FBXO41: variants seen among roughly 807,000 people sequenced by gnomAD.
FBXO41 encodes F-box protein 41.
A neutral mutation model predicts 81.6 loss-of-function variants in FBXO41; 33 were observed. The ratio of observed to expected loss-of-function variants is 0.40; its 90% CI spans 0.31 to 0.54. The LOEUF (loss-of-function observed/expected upper bound fraction) is 0.54. Ranked by LOEUF, FBXO41 falls within the 20% of genes least tolerant of loss-of-function variation. FBXO41 has a pLI of 0.39. For missense variants in FBXO41, 1,107 were observed against 1,236.0 expected (o/e 0.90, Z 1.56); for synonymous variants, 576 against 552.7 (o/e 1.04, Z -0.59).
In FBXO41 at chr2:73,265,397, C is replaced by A. The variant is rs779616735; in HGVS notation, c.1449G>T (p.Glu483Asp). Residue 483 changes from glutamate to aspartate, a missense_variant, in exon 5 of 13, where the codon GAG (glutamate) becomes GAT (aspartate). Glu to Asp is a conservative substitution (Grantham distance 45). Coordinates refer to ENST00000520530, the MANE Select transcript of FBXO41 (RefSeq NM_001371389.2). ...GGGAGCCAACGTCGGAGACATCACC[C>A]TCTTCCCCCTCAGTGCTGTGTCGGC... is the stretch of plus-strand genomic sequence containing the variant. The part of the protein sequence containing the change: ...RPRRHSTEGE[E>D]GDVSDVGSRT... 2 of 1,611,134 alleles carry A rather than the reference C, an allele frequency of 1.2e-6. No homozygotes were observed. The highest frequency in any genetic ancestry group is 1.1e-5 in the South Asian group (1 of 91,090).
chr2:73,261,418 C>G (rs1440934266), intron 9 of FBXO41, among the ~76,000 whole-genome samples: 10 of 152,194 alleles, frequency 6.6e-5, no homozygotes. Flanking sequence ...TAGCACTAGT[C>G]TCCCTGCATC....
chr2:73,269,702 G>A lies in FBXO41; in HGVS notation c.-72C>T. On this transcript the variant is annotated 5_prime_UTR_variant, in exon 2 of 13. Transcript: ENST00000520530. The surrounding 1 kb of genome is among the most constrained non-coding windows in gnomAD (Gnocchi z 7.0). ...CCGGTCAGCCGGGCGCGCTCATGGG[G>A]GACCGCGGGCGAGGCCCCCTGCGGG... 1.9e-6 allele frequency: 2 copies of A among 1,080,250 alleles called. No individual in the cohort carries two copies. The highest frequency in any genetic ancestry group is 2.3e-6 in the Non-Finnish European group (2 of 883,946). The allele number at this position is 1,080,250 out of a possible 1,614,324, so 66.9% of individuals were successfully genotyped here.
Position 73,260,668 on chromosome 2 carries a change from G to A in FBXO41, c.2290+72C>T. 1.3e-6 allele frequency: 2 copies of A among 1,518,014 alleles called. No individual in the cohort carries two copies. Among genetic ancestry groups the A allele is most frequent in the Non-Finnish European group, 1.8e-6 (2 of 1,124,884 alleles). 94.0% of individuals were successfully genotyped at this position (1,518,014 alleles called of 1,614,324 possible). ...AGGCTGCAGCCCCAAGCCCCTGTGG[G>A]ATTTCACAAGGCAGCACTGCACCCA... On this transcript the variant is annotated intron_variant, in intron 10 of 12. Coordinates refer to ENST00000520530, the MANE Select transcript of FBXO41 (RefSeq NM_001371389.2). The surrounding 1 kb of genome is among the most constrained non-coding windows in gnomAD (Gnocchi z 5.0).
chr2:73,270,341 C>T (rs930661916), intron 1 of FBXO41, among the ~76,000 whole-genome samples: 4 of 152,116 alleles, frequency 2.6e-5, no homozygotes, highest in African/African-American at 9.7e-5. Context: ...GGTGGTTATA[C>T]AGTTGTGTAC....
At chr2:73,270,763 C>T (rs1011353102) in intron 1 of FBXO41, 17 of 532,326 alleles carry the variant, frequency 3.2e-5, no homozygotes, top group Non-Finnish European at 6.2e-5. Flanking sequence ...TGCTGCCCCT[C>T]CATCTCTGGC....
chr2:73,262,835 T>C (rs1688066543), intron 9 of FBXO41, among the ~76,000 whole-genome samples: 1 of 152,184 alleles, frequency 6.6e-6, no homozygotes, highest in Non-Finnish European at 1.5e-5. Flanking sequence ...AACCTCTGCC[T>C]CCCAGGTTCA....
In FBXO41 at chr2:73,260,891, G is replaced by C; in HGVS notation, c.2172-33C>G. The C allele has an allele frequency of 6.6e-7, 1 of 1,523,334 alleles. No homozygotes were observed. Among genetic ancestry groups the C allele is most frequent in the Non-Finnish European group, 8.9e-7 (1 of 1,124,778 alleles). 94.4% of individuals were successfully genotyped at this position (1,523,334 alleles called of 1,614,324 possible). On this transcript the variant is annotated intron_variant, in intron 9 of 12. Transcript: ENST00000520530. The surrounding 1 kb of genome is among the most constrained non-coding windows in gnomAD (Gnocchi z 5.0). ...ATGGGAAGGGGGAGCCGTCAGGGAA[G>C]TCTCTGGATGCTTGATAACCCAGCA...
Position 73,263,242 on chromosome 2 carries a change from G to A in FBXO41, c.2142C>T (p.Val714=), listed in dbSNP as rs752149332. 1 of 1,557,678 alleles carries A rather than the reference G, an allele frequency of 6.4e-7. No individual in the cohort carries two copies. Among genetic ancestry groups the A allele is most frequent in the South Asian group, 1.2e-5 (1 of 84,278 alleles). Reference sequence around the variant, plus strand: ...GGTGAAGTGGTGCCACTTGGAGGGAGACGATCTCTCTGCAGCCTGCGCCCA... The same window carrying A: ...GGTGAAGTGGTGCCACTTGGAGGGAAACGATCTCTCTGCAGCCTGCGCCCA... ...WALGAGCREI[V]SLQVAPLHPC... Residue 714 remains valine, a synonymous_variant, in exon 9 of 13, where the codon GTC becomes GTT. Coordinates refer to ENST00000520530, the MANE Select transcript of FBXO41 (RefSeq NM_001371389.2).
chr2:73,258,923 G>A lies in FBXO41; in HGVS notation c.*59C>T. The A allele has an allele frequency of 2.0e-6, 3 of 1,503,108 alleles. No homozygotes were observed. The South Asian group carries it at 3.8e-5, about 19-fold the overall frequency. 93.1% of individuals were successfully genotyped at this position (1,503,108 alleles called of 1,614,324 possible). A position where few individuals can be genotyped will look rare whatever the true frequency, so the allele number is the denominator to read the frequency against. Reference sequence around the variant, plus strand: ...CTAGTCCAAACCAGGGTCCCTCTGAGGTCCAAAGAGAGTGCCCTGGTGTGG... The same window carrying A: ...CTAGTCCAAACCAGGGTCCCTCTGAAGTCCAAAGAGAGTGCCCTGGTGTGG... On this transcript the variant is annotated 3_prime_UTR_variant, in exon 13 of 13. Coordinates refer to ENST00000520530, the MANE Select transcript of FBXO41 (RefSeq NM_001371389.2).
chr2:73,272,000 C>T (rs55778379), intron 1 of FBXO41, among the ~76,000 whole-genome samples: 12,017 of 152,188 alleles, frequency 0.079, 1,273 homozygotes, highest in African/African-American at 0.23. Flanking sequence ...ATATCCTAAC[C>T]AAGAAATTAG....
rs766208278 is a variant in FBXO41, at chr2:73,258,692, G to A, written c.*290C>T. 8 of 410,958 alleles carry A rather than the reference G, an allele frequency of 1.9e-5. No homozygotes were observed. Among genetic ancestry groups the A allele is most frequent in the East Asian group, 3.6e-5 (1 of 28,106 alleles). 25.5% of individuals were successfully genotyped at this position (410,958 alleles called of 1,614,324 possible). ...GATCCTCCAGGTGATGACACCAGGC[G>A]CTGGTGGTGACAGCTCCTCACTGGC... On this transcript the variant is annotated 3_prime_UTR_variant, in exon 13 of 13. Coordinates refer to ENST00000520530, the MANE Select transcript of FBXO41 (RefSeq NM_001371389.2).
chr2:73,272,273 A>G (rs1261352898), intron 1 of FBXO41: 1 of 152,254 alleles, frequency 6.6e-6, no homozygotes, highest in East Asian at 1.9e-4. Flanking sequence ...CCAACAAGCA[A>G]GAGACACACT....
chr2:73,269,077 G>A lies in FBXO41; in HGVS notation c.554C>T (p.Ser185Phe). Residue 185 changes from serine (S) to phenylalanine (F), a missense_variant, in exon 2 of 13, where the codon TCC becomes TTC. Ser to Phe is a radical substitution (Grantham distance 155). Transcript: ENST00000520530. This position sits in a 1 kb window ranked among gnomAD's most constrained non-coding sequence, Gnocchi z 7.0. ...GGGTGAGGGGGACGCGGGCGAAGCG[G>A]AGGCAGGCCCGGGGCAAGGGCCGGG... ...PGPGPCPGPA[S>F]ASPASPSPAD... 1.3e-6 allele frequency: 2 copies of A among 1,513,276 alleles called. No homozygotes were observed. The highest frequency in any genetic ancestry group is 1.8e-6 in the Non-Finnish European group (2 of 1,137,438). The allele number at this position is 1,513,276 out of a possible 1,614,324, so 93.7% of individuals were successfully genotyped here.
chr2:73,272,925 C>G (rs1409615784), intron 1 of FBXO41: 1 of 152,228 alleles, frequency 6.6e-6, no homozygotes, highest in African/African-American at 2.4e-5. Flanking sequence ...TGCCCTGAAC[C>G]TCCCCAAACA....
intron 1 of FBXO41, among the ~76,000 whole-genome samples, chr2:73,282,376 GTAAT>G (rs1463321285): frequency 2.0e-5 from 3 of 152,160 alleles, no homozygotes; most frequent in Admixed American, 6.5e-5. Context: ...AGGCAGGATG[GTAAT>G]TACTTTTCAA....
Position 73,269,023 on chromosome 2 carries a change from G to A in FBXO41, c.608C>T (p.Ala203Val), listed in dbSNP as rs748803226. 1.4e-5 allele frequency: 22 copies of A among 1,537,324 alleles called. No individual in the cohort carries two copies. The highest frequency in any genetic ancestry group is 2.0e-5 in the Admixed American group (1 of 50,912). ...CTCCAGCGCGCGGATCTTGAGGCGC[G>A]CCAGGCCCTCTTCGTAGGCCACATC... is the stretch of plus-strand genomic sequence containing the variant. ...PADVAYEEGLARLKIRALEKL... is the reference protein window; with the variant it reads ...PADVAYEEGLVRLKIRALEKL... The change falls in exon 2 of 13, where the codon GCG becomes GTG. Residue 203 changes from alanine to valine, a missense_variant. Around this residue, in one of 2 missense-constraint regions of FBXO41, gnomAD observed 771 missense variants for 789.2 expected, o/e 0.98. Transcript: ENST00000520530. This position sits in a 1 kb window ranked among gnomAD's most constrained non-coding sequence, Gnocchi z 7.0.
chr2:73,267,239 A>G (rs941484156), intron 2 of FBXO41, among the ~76,000 whole-genome samples: 3 of 152,206 alleles, frequency 2.0e-5, no homozygotes, highest in Non-Finnish European at 4.4e-5. Context: ...GTGTAGTCAC[A>G]TCATGTTCCA....
Position 73,260,246 on chromosome 2 carries a change from C to T in FBXO41, c.2449+143G>A, listed in dbSNP as rs1687958214. The stretch of plus-strand genomic sequence containing the variant: ...GACCTAGGTCAGTCAGGCTCTAGAA[C>T]CAGTGCTCTTAACCTGTCCCCCTGC... On this transcript the variant is annotated intron_variant, in intron 11 of 12. Coordinates refer to ENST00000520530, the MANE Select transcript of FBXO41 (RefSeq NM_001371389.2). The surrounding 1 kb of genome is among the most constrained non-coding windows in gnomAD (Gnocchi z 5.0). 3 of 1,137,942 alleles carry T rather than the reference C, an allele frequency of 2.6e-6. No individual in the cohort carries two copies. Among genetic ancestry groups the T allele is most frequent in the East Asian group, 5.2e-5 (2 of 38,550 alleles). The allele number at this position is 1,137,942 out of a possible 1,614,324, so 70.5% of individuals were successfully genotyped here. A position where few individuals can be genotyped will look rare whatever the true frequency, so the allele number is the denominator to read the frequency against.
intron 1 of FBXO41, among the ~76,000 whole-genome samples, chr2:73,280,830 C>G (rs956233801): frequency 1.3e-5 from 2 of 152,226 alleles, no homozygotes; most frequent in Non-Finnish European, 2.9e-5. Context: ...GACAATACAA[C>G]TGATTCATCC....
Sources: allele counts gnomAD v4.1 joint callset (sites outside exome capture counted in the v4.1 genomes callset), GRCh38; gene constraint gnomAD v4.1.1; regional missense constraint gnomAD v4.1.1; non-coding constraint Gnocchi (gnomAD v3.1); transcripts MANE v1.5; gene names NCBI Gene and HGNC (gene_info 2026-07-23, HGNC 2026-07-21).